ADAMTS17: variants seen among roughly 807,000 people sequenced by gnomAD.
The protein encoded by ADAMTS17 is ADAM metallopeptidase with thrombospondin type 1 motif 17.
In ADAMTS17, 113 loss-of-function variants were observed where a neutral mutation model predicts 141.5. The ratio of observed to expected loss-of-function variants is 0.80; its 90% confidence interval spans 0.69 to 0.93. The LOEUF (loss-of-function observed/expected upper bound fraction) is 0.93. ADAMTS17 is among the 40% of genes least tolerant of loss of function. ADAMTS17 has a pLI of 0.00. For missense variants in ADAMTS17, 1,659 were observed against 1,517.9 expected (o/e 1.09, Z -1.54); for synonymous variants, 768 against 630.6 (o/e 1.22, Z -3.27).
At chr15:100,149,954 C>T (rs562929154) in intron 10 of ADAMTS17, among the ~76,000 whole-genome samples, 1 of 152,340 alleles carries the variant, frequency 6.6e-6, no homozygotes, top group Admixed American at 6.5e-5. Flanking sequence ...GGACAATCAC[C>T]ACTGACCAGC....
chr15:100,203,815 C>G (rs1045542338), intron 7 of ADAMTS17, among the ~76,000 whole-genome samples: 4 of 152,068 alleles, frequency 2.6e-5, no homozygotes, highest in Non-Finnish European at 5.9e-5. Context: ...AGGAGAATCA[C>G]TTGAACGCGG....
At chr15:100,080,250 C>T (rs766934103) in intron 15 of ADAMTS17, among the ~76,000 whole-genome samples, 6 of 152,118 alleles carry the variant, frequency 3.9e-5, no homozygotes, top group Non-Finnish European at 7.4e-5. Context: ...TTCCATTAAA[C>T]TGGAAGATTG....
chr15:100,234,462 G>A (rs984033192), intron 7 of ADAMTS17, among the ~76,000 whole-genome samples: 1 of 152,150 alleles, frequency 6.6e-6, no homozygotes, highest in African/African-American at 2.4e-5. Context: ...GCCTCTTCAA[G>A]CCCCTTCTTG....
intron 8 of ADAMTS17, among the ~76,000 whole-genome samples, chr15:100,191,253 T>A (rs1206091288): frequency 6.6e-6 from 1 of 152,180 alleles, no homozygotes; most frequent in East Asian, 1.9e-4. Flanking sequence ...CAGCACAGCG[T>A]GTGTAACCTG....
At chr15:100,108,924 C>T in intron 14 of ADAMTS17, 65 bp downstream of exon 14, 3 of 1,609,446 alleles carry the variant, frequency 1.9e-6, no homozygotes, top group Non-Finnish European at 1.7e-6. Flanking sequence ...TACCCCACTC[C>T]CTGTCTGGGG....
chr15:100,298,414 A>G (rs1024891146), intron 3 of ADAMTS17, among the ~76,000 whole-genome samples: 2 of 151,562 alleles, frequency 1.3e-5, no homozygotes, highest in African/African-American at 4.9e-5. Flanking sequence ...TCAAGCCCCG[A>G]CTCTGTGGTC....
intron 7 of ADAMTS17, among the ~76,000 whole-genome samples, chr15:100,209,147 A>T (rs1196043956): frequency 1.5e-5 from 2 of 137,920 alleles, no homozygotes. Context: ...AGAAAGAAAG[A>T]AAAGGATTCT....
chr15:100,123,812 C>G (rs905079443), intron 12 of ADAMTS17, among the ~76,000 whole-genome samples: 23 of 152,322 alleles, frequency 1.5e-4, no homozygotes, highest in Admixed American at 1.4e-3. Context: ...CCAGCAGGAA[C>G]AGGCGCCCTG....
intron 18 of ADAMTS17, among the ~76,000 whole-genome samples, chr15:100,002,351 G>A (rs892015826): frequency 6.6e-6 from 1 of 152,026 alleles, no homozygotes; most frequent in African/African-American, 2.4e-5. Flanking sequence ...GAGAAGTGGG[G>A]CCCCTCTGTC....
chr15:100,214,973 T>C (rs72755267), intron 7 of ADAMTS17, among the ~76,000 whole-genome samples: 15,594 of 152,268 alleles, frequency 0.1, 1,059 homozygotes, highest in East Asian at 0.27. Flanking sequence ...TTCTGCTCTA[T>C]TGTCCCATAG....
chr15:100,168,121 G>A (rs1007625804), intron 8 of ADAMTS17, among the ~76,000 whole-genome samples: 1 of 152,188 alleles, frequency 6.6e-6, no homozygotes, highest in Non-Finnish European at 1.5e-5. Flanking sequence ...AGGCCCCACT[G>A]TATCTGTTAG....
At chr15:100,071,951 A>G (rs1048838052) in intron 15 of ADAMTS17, among the ~76,000 whole-genome samples, 1 of 150,220 alleles carries the variant, frequency 6.7e-6, no homozygotes, top group Non-Finnish European at 1.5e-5. Context: ...AATTAGGAAA[A>G]GAGGAAGTCA....
chr15:100,268,006 T>G (rs528545968), intron 4 of ADAMTS17, among the ~76,000 whole-genome samples: 8 of 152,354 alleles, frequency 5.3e-5, no homozygotes, highest in Non-Finnish European at 1.2e-4. Context: ...TATATCCACA[T>G]GTACCCAGTG....
At chr15:100,294,691 A>G (rs2044750762) in intron 3 of ADAMTS17, among the ~76,000 whole-genome samples, 2 of 152,226 alleles carry the variant, frequency 1.3e-5, no homozygotes, top group South Asian at 2.1e-4. Context: ...TGGGCGACAG[A>G]GCAAGACCCT....
chr15:100,163,407 ACT>A (rs2039818209), intron 8 of ADAMTS17, among the ~76,000 whole-genome samples: 1 of 151,744 alleles, frequency 6.6e-6, no homozygotes, highest in Non-Finnish European at 1.5e-5. Context: ...GCTGAGGGTG[ACT>A]CTGGTGCTTC....
At chr15:100,199,108 A>G (rs373412033) in intron 8 of ADAMTS17, among the ~76,000 whole-genome samples, 2 of 152,224 alleles carry the variant, frequency 1.3e-5, no homozygotes, top group Non-Finnish European at 1.5e-5. Flanking sequence ...GTGCACATCA[A>G]ATTAACATTT....
intron 8 of ADAMTS17, among the ~76,000 whole-genome samples, chr15:100,193,759 C>G (rs2041008825): frequency 6.6e-6 from 1 of 152,230 alleles, no homozygotes; most frequent in Non-Finnish European, 1.5e-5. Flanking sequence ...AGGCCACGGG[C>G]TGAGCCTCCC....
Position 100,152,716 on chromosome 15 carries a change from G to C in ADAMTS17, c.1369C>G (p.His457Asp). The change falls in exon 10 of 22, where the codon CAC (histidine) becomes GAC (aspartate). Residue 457 changes from histidine (H) to aspartate (D), a missense_variant. By Grantham distance (81) the His-to-Asp change is moderately conservative. Transcript: ENST00000268070. Reference sequence around the variant, plus strand: ...AGCTTGTGCGGGAGGCGTACTGTGTGCTGGCTTCTGGGGTCCGTGACTAGC... The same window carrying C: ...AGCTTGTGCGGGAGGCGTACTGTGTCCTGGCTTCTGGGGTCCGTGACTAGC... ...CLLVTDPRSQHTVRLPHKLPG... is the reference protein window; with the variant it reads ...CLLVTDPRSQDTVRLPHKLPG... 1 of 1,614,238 alleles carries C rather than the reference G, an allele frequency of 6.2e-7. No individual in the cohort carries two copies. The highest frequency in any genetic ancestry group is 8.5e-7 in the Non-Finnish European group (1 of 1,180,052).
chr15:100,193,062 G>A (rs1405484675), intron 8 of ADAMTS17, among the ~76,000 whole-genome samples: 2 of 152,252 alleles, frequency 1.3e-5, no homozygotes, highest in Non-Finnish European at 2.9e-5. Flanking sequence ...AGCATCCAAT[G>A]TAATGAAAAT....
Sources: allele counts gnomAD v4.1 joint callset (sites outside exome capture counted in the v4.1 genomes callset), GRCh38; gene constraint gnomAD v4.1.1; transcripts MANE v1.5; gene names NCBI Gene and HGNC (gene_info 2026-07-23, HGNC 2026-07-21).